Variants in KLHL22 observed in about 807,000 individuals in gnomAD.
KLHL22 encodes the protein kelch like family member 22.
KLHL22 carries 18 observed loss-of-function variants against 60.7 expected under a neutral mutation model. That is an observed-to-expected ratio of 0.30 (90% CI 0.20 to 0.44). The LOEUF is 0.44. Ranked by LOEUF, KLHL22 falls within the 20% of genes least tolerant of loss-of-function variation. The pLI, the probability that KLHL22 is intolerant of heterozygous loss-of-function variation, is 1.00. For synonymous variants in KLHL22, 355 were observed against 354.5 expected, an observed-to-expected ratio of 1.00 and a Z score of -0.01; for missense variants, 596 against 852.3, an observed-to-expected ratio of 0.70 and a Z score of 3.74.
At chr22:20,494,475 G>T (rs537405577) in intron 1 of KLHL22, among the ~76,000 whole-genome samples, 1 of 152,190 alleles carries the variant, frequency 6.6e-6, no homozygotes, top group East Asian at 1.9e-4. Flanking sequence ...TCATCTCCTG[G>T]GTTCAAGCGA....
chr22:20,445,769 T>G (rs928228269), intron 6 of KLHL22, among the ~76,000 whole-genome samples: 1 of 151,940 alleles, frequency 6.6e-6, no homozygotes, highest in Admixed American at 6.6e-5. Context: ...TGTTGTTTTT[T>G]TTTGTTTTTT....
At chr22:20,474,218 C>G (rs2053372499) in intron 2 of KLHL22, among the ~76,000 whole-genome samples, 1 of 152,086 alleles carries the variant, frequency 6.6e-6, no homozygotes, top group African/African-American at 2.4e-5. Context: ...CCAGAATGGT[C>G]TTGATCTCCT....
At chr22:20,485,588 C>A (rs4564890) in intron 2 of KLHL22, among the ~76,000 whole-genome samples, 10,988 of 152,296 alleles carry the variant, frequency 0.072, 860 homozygotes, top group East Asian at 0.46. Context: ...AGAGAAGAGG[C>A]CAGGCATGGT....
intron 1 of KLHL22, among the ~76,000 whole-genome samples, chr22:20,494,074 GC>G (rs35792870): frequency 2.1e-4 from 26 of 122,356 alleles, no homozygotes; most frequent in Middle Eastern, 4.7e-3. Flanking sequence ...GCCAGACTTT[GC>G]CCCCCCCCCA....
intron 5 of KLHL22, among the ~76,000 whole-genome samples, chr22:20,455,020 T>C (rs1037027362): frequency 6.6e-6 from 1 of 152,178 alleles, no homozygotes; most frequent in Non-Finnish European, 1.5e-5. Flanking sequence ...TAGCTGGGAC[T>C]ATAGGCGCCT....
chr22:20,446,879 T>C (rs1263322478), intron 5 of KLHL22, among the ~76,000 whole-genome samples: 3 of 152,226 alleles, frequency 2.0e-5, no homozygotes, highest in African/African-American at 7.2e-5. Context: ...CTCTTCCCAA[T>C]AGCGGATACA....
At chr22:20,449,982 G>A (rs935898432) in intron 5 of KLHL22, 3 of 566,642 alleles carry the variant, frequency 5.3e-6, no homozygotes, top group African/African-American at 3.8e-5. Flanking sequence ...CGACGCTTCG[G>A]CTCCTCCTGA....
chr22:20,483,281 C>A, intron 2 of KLHL22: 1 of 702,836 alleles, frequency 1.4e-6, no homozygotes. Context: ...GTGCTCTCCT[C>A]AATCTGCTGA....
At chr22:20,450,867 T>C (rs1208414666) in intron 5 of KLHL22, 29 of 1,611,292 alleles carry the variant, frequency 1.8e-5, no homozygotes, top group Non-Finnish European at 2.5e-5. Flanking sequence ...AATGCAGGGA[T>C]CTGGTTGATG....
intron 2 of KLHL22, among the ~76,000 whole-genome samples, chr22:20,476,504 C>G (rs947709710): frequency 6.7e-6 from 1 of 149,260 alleles, no homozygotes; most frequent in South Asian, 2.1e-4. Flanking sequence ...GTTCCGCCCC[C>G]CGGGGTTCAC....
chr22:20,449,688 G>A (rs2052942664), intron 5 of KLHL22, among the ~76,000 whole-genome samples: 1 of 152,262 alleles, frequency 6.6e-6, no homozygotes, highest in Non-Finnish European at 1.5e-5. Context: ...TTACAGGTGT[G>A]AGCCACCACA....
chr22:20,480,147 T>G lies in KLHL22; in HGVS notation c.228-8632A>C, dbSNP rs546380848. ...TCTACTTATGAGGTACTTAGAATAG[T>G]TTAATTCATAGAGACAGAAAGTAGA... On this transcript the variant is annotated intron_variant, in intron 2 of 6. Coordinates refer to ENST00000328879, the MANE Select transcript of KLHL22 (RefSeq NM_032775.4). Among the ~76,000 whole-genome samples, 9 of 152,154 alleles carry G rather than the reference T, an allele frequency of 5.9e-5. No individual in the cohort carries two copies. In the East Asian group the frequency reaches 1.3e-3, roughly 23 times the overall value.
chr22:20,493,183 G>A, intron 1 of KLHL22: 1 of 471,302 alleles, frequency 2.1e-6, no homozygotes, highest in South Asian at 1.5e-5. Flanking sequence ...GCTCTCTTGG[G>A]AAGGGATAAA....
intron 1 of KLHL22, chr22:20,491,667 C>T (rs960953145): frequency 2.6e-5 from 4 of 152,166 alleles, no homozygotes; most frequent in African/African-American, 7.2e-5. Context: ...CTGTCATTGA[C>T]GGAAACATCA....
At position 20,489,086 on chromosome 22, in the gene KLHL22, A is replaced by G. The variant is rs757858155; in HGVS notation, c.126T>C (p.Ala42=). Residue 42 remains alanine (A), a synonymous_variant, in exon 2 of 7, where the codon GCT becomes GCC. Transcript: ENST00000328879. The part of the protein sequence containing the change: ...HSQALLRGLL[A]LRDSGILFDV... Reference sequence around the variant, plus strand: ...CGAAGAGGATTCCGCTGTCCCGGAGAGCCAGCAGCCCTCGGAGCAGAGCCT... The same window carrying G: ...CGAAGAGGATTCCGCTGTCCCGGAGGGCCAGCAGCCCTCGGAGCAGAGCCT... 3 of 1,614,108 alleles carry G rather than the reference A, an allele frequency of 1.9e-6. No homozygotes were observed. Among genetic ancestry groups the G allele is most frequent in the Non-Finnish European group, 2.5e-6 (3 of 1,180,036 alleles).
At chr22:20,483,813 G>A (rs189779785) in intron 2 of KLHL22, 21 of 740,802 alleles carry the variant, frequency 2.8e-5, no homozygotes, top group East Asian at 2.5e-4. Flanking sequence ...CAGGCTCCTC[G>A]CTCTGTCCAG....
intron 4 of KLHL22, among the ~76,000 whole-genome samples, chr22:20,459,943 G>A (rs987928391): frequency 1.2e-4 from 19 of 152,206 alleles, no homozygotes; most frequent in South Asian, 2.1e-4. Context: ...GGCCTGGGGA[G>A]GGCAGAGCTC....
intron 5 of KLHL22, chr22:20,450,018 T>G (rs1021220240): frequency 4.9e-5 from 30 of 614,918 alleles, no homozygotes; most frequent in Admixed American, 5.5e-5. Context: ...CGCACCCCAC[T>G]CCATCCCCAC....
intron 2 of KLHL22, chr22:20,482,795 G>A: frequency 8.6e-7 from 1 of 1,162,062 alleles, no homozygotes; most frequent in South Asian, 1.2e-5. Flanking sequence ...CTCCCCAAAG[G>A]ATACCCTGCT....
Sources: allele counts gnomAD v4.1 joint callset (sites outside exome capture counted in the v4.1 genomes callset), GRCh38; gene constraint gnomAD v4.1.1; transcripts MANE v1.5; gene names NCBI Gene and HGNC (gene_info 2026-07-23, HGNC 2026-07-21).